The following WFDC9 variants were observed in gnomAD, a reference collection of about 807,000 sequenced individuals.
WFDC9 encodes WAP four-disulfide core domain 9.
Under a neutral mutation model 9.5 loss-of-function variants are expected in WFDC9, and 9 were observed. The ratio of observed to expected loss-of-function variants is 0.95; its 90% CI spans 0.57 to 1.65. The LOEUF (loss-of-function observed/expected upper bound fraction) is 1.65, where lower values mean the gene tolerates loss of function less well. Ranked by LOEUF, WFDC9 falls within the 40% of genes most tolerant of loss-of-function variation. The pLI, the probability that WFDC9 is intolerant of heterozygous loss-of-function variation, is 0.00. For missense variants in WFDC9, 87 were observed against 106.7 expected (o/e 0.82, Z 0.81); for synonymous variants, 33 against 32.3 (o/e 1.02, Z -0.07).
At chr20:45,610,919 C>G (rs901994072) in intron 2 of WFDC9, among the ~76,000 whole-genome samples, 2 of 152,220 alleles carry the variant, frequency 1.3e-5, no homozygotes, top group Non-Finnish European at 2.9e-5. Flanking sequence ...GAATACGACT[C>G]ATTGAGCTTG....
chr20:45,610,111 C>T lies in WFDC9; in HGVS notation c.71G>A (p.Ser24Asn). 1.2e-6 allele frequency: 2 copies of T among 1,614,086 alleles called. No individual in the cohort carries two copies. Among genetic ancestry groups the T allele is most frequent in the Non-Finnish European group, 8.5e-7 (1 of 1,179,980 alleles). Residue 24 changes from serine (S) to asparagine (N), a missense_variant, in exon 3 of 5, where the codon AGC becomes AAC. By Grantham distance (46) the Ser-to-Asn change is conservative (BLOSUM62 1). Coordinates refer to ENST00000326000, the MANE Select transcript of WFDC9 (RefSeq NM_147198.4). Reference sequence around the variant, plus strand: ...CCCACAGGGATCTTTGTTCCAGAAGCTTCCCAGCACAGGCAGAAGCATCAC... The same window carrying T: ...CCCACAGGGATCTTTGTTCCAGAAGTTTCCCAGCACAGGCAGAAGCATCAC... ...GVVMLLPVLG[S>N]FWNKDPFLDM...
intron 1 of WFDC9, among the ~76,000 whole-genome samples, chr20:45,621,582 A>G (rs1982101726): frequency 6.6e-6 from 1 of 152,208 alleles, no homozygotes; most frequent in Non-Finnish European, 1.5e-5. Context: ...AACTTGGTTT[A>G]TGGTAGATAT....
At chr20:45,614,108 T>A (rs2145596499) in intron 2 of WFDC9, among the ~76,000 whole-genome samples, 1 of 152,300 alleles carries the variant, frequency 6.6e-6, no homozygotes, top group South Asian at 2.1e-4. Flanking sequence ...CACGGCCTCA[T>A]TCTTACTCTA....
At chr20:45,630,773 C>T (rs1982343684) in intron 1 of WFDC9, 1 of 1,339,640 alleles carries the variant, frequency 7.5e-7, no homozygotes, top group Non-Finnish European at 9.9e-7. Flanking sequence ...AGTATCATGA[C>T]TGAGACCTGG....
intron 2 of WFDC9, among the ~76,000 whole-genome samples, chr20:45,613,354 C>T (rs749914094): frequency 6.6e-6 from 1 of 152,114 alleles, no homozygotes. Context: ...TGACTCTGCT[C>T]AAAAGCAGAG....
intron 1 of WFDC9, among the ~76,000 whole-genome samples, chr20:45,626,124 A>C (rs1183360047): frequency 1.3e-5 from 2 of 151,016 alleles, no homozygotes; most frequent in Non-Finnish European, 1.5e-5. Flanking sequence ...ACCTGGCCCT[A>C]AGTTCTCTAT....
In WFDC9 at chr20:45,619,751, G is replaced by A. The variant is rs368901693; in HGVS notation, c.-152-5030C>T. Among the ~76,000 whole-genome samples the A allele has an allele frequency of 2.0e-4, 30 of 152,318 alleles. No individual in the cohort carries two copies. The South Asian group carries it at 4.6e-3, about 23-fold the overall frequency. ...TGCATGAAAAATAGCACAGCTGGGC[G>A]TGGTGGCTCATGCCTGTAATCCCAG... On this transcript the variant is annotated intron_variant, in intron 1 of 4. Transcript: ENST00000326000.
intron 1 of WFDC9, among the ~76,000 whole-genome samples, chr20:45,622,617 C>T (rs1982125963): frequency 6.6e-6 from 1 of 152,120 alleles, no homozygotes; most frequent in Non-Finnish European, 1.5e-5. Flanking sequence ...GAGTCAGTTA[C>T]TTAATGGTGC....
intron 2 of WFDC9, among the ~76,000 whole-genome samples, chr20:45,613,132 T>C (rs942465898): frequency 2.6e-5 from 4 of 152,222 alleles, no homozygotes; most frequent in African/African-American, 9.6e-5. Context: ...TTTCAAGTAT[T>C]CAATGGTCAC....
intron 1 of WFDC9, chr20:45,629,639 GC>G (rs1323617893): frequency 1.4e-6 from 1 of 731,782 alleles, no homozygotes; most frequent in East Asian, 2.9e-5. Context: ...GAACGACAAG[GC>G]CAGGGGCAAG....
intron 1 of WFDC9, among the ~76,000 whole-genome samples, chr20:45,627,858 A>C (rs1982255747): frequency 6.6e-6 from 1 of 152,120 alleles, no homozygotes; most frequent in Non-Finnish European, 1.5e-5. Flanking sequence ...AATTCTTTAA[A>C]ATTTTGTTCA....
intron 1 of WFDC9, among the ~76,000 whole-genome samples, chr20:45,621,958 C>T (rs1025382619): frequency 2.6e-5 from 4 of 152,150 alleles, no homozygotes; most frequent in Non-Finnish European, 5.9e-5. Flanking sequence ...CTGGGGATAG[C>T]GTTGGGAATC....
chr20:45,616,242 A>G (rs545873037), intron 1 of WFDC9, among the ~76,000 whole-genome samples: 20 of 152,198 alleles, frequency 1.3e-4, no homozygotes, highest in Non-Finnish European at 2.5e-4. Context: ...TCATTCCAAC[A>G]ATGTTCACAG....
At chr20:45,629,137 G>GA (rs1982293182) in intron 1 of WFDC9, among the ~76,000 whole-genome samples, 1 of 152,082 alleles carries the variant, frequency 6.6e-6, no homozygotes, top group Non-Finnish European at 1.5e-5. Context: ...GTATATCTGT[G>GA]TATGTGTTTA....
intron 2 of WFDC9, among the ~76,000 whole-genome samples, chr20:45,614,125 T>C (rs1981921600): frequency 6.6e-6 from 1 of 152,166 alleles, no homozygotes; most frequent in African/African-American, 2.4e-5. Flanking sequence ...TCTAGTTTTC[T>C]TTCTTTCTTT....
Position 45,625,983 on chromosome 20 carries a change from G to A in WFDC9, c.-153+5220C>T, listed in dbSNP as rs75397004. Among the ~76,000 whole-genome samples the A allele has an allele frequency of 7.0e-3, 1,058 of 151,610 alleles. 16 individuals carry two copies. The highest frequency in any genetic ancestry group is 0.025 in the African/African-American group (1,016 of 41,322). Reference sequence around the variant, plus strand: ...ACTACAGGTATGCACCACCATGTTCGTCTAATTTTTGTACTTTTAGTAGAG... The same window carrying A: ...ACTACAGGTATGCACCACCATGTTCATCTAATTTTTGTACTTTTAGTAGAG... On this transcript the variant is annotated intron_variant, in intron 1 of 4. Coordinates refer to ENST00000326000, the MANE Select transcript of WFDC9 (RefSeq NM_147198.4).
At chr20:45,621,261 T>C (rs1411369109) in intron 1 of WFDC9, among the ~76,000 whole-genome samples, 1 of 152,256 alleles carries the variant, frequency 6.6e-6, no homozygotes, top group East Asian at 1.9e-4. Context: ...CCCTTTAGTT[T>C]ACCTTCTGAC....
At chr20:45,620,263 T>A (rs1982067824) in intron 1 of WFDC9, among the ~76,000 whole-genome samples, 1 of 152,206 alleles carries the variant, frequency 6.6e-6, no homozygotes. Flanking sequence ...TGGAATTTTT[T>A]AGGCTTTCTT....
chr20:45,618,719 T>C (rs555789166), intron 1 of WFDC9, among the ~76,000 whole-genome samples: 1 of 152,242 alleles, frequency 6.6e-6, no homozygotes, highest in Non-Finnish European at 1.5e-5. Flanking sequence ...GCAATTACAA[T>C]AGTAACAACA....
Sources: gnomAD v4.1 joint callset for allele counts (sites outside exome capture counted in the v4.1 genomes callset) on GRCh38, gnomAD v4.1.1 for gene constraint, MANE v1.5 for transcripts, NCBI Gene and HGNC (gene_info 2026-07-23, HGNC 2026-07-21) for gene names.